The following EIF4ENIF1 variants were observed in gnomAD, a reference collection of about 807,000 sequenced individuals.
EIF4ENIF1 encodes eukaryotic translation initiation factor 4E nuclear import factor 1.
Under a neutral mutation model 110.5 loss-of-function variants are expected in EIF4ENIF1, and 23 were observed. The observed-to-expected ratio is 0.21, with a 90% CI of 0.15 to 0.29. The LOEUF is 0.29. EIF4ENIF1 is among the 10% of genes least tolerant of loss of function. EIF4ENIF1 has a pLI of 1.00. For missense variants in EIF4ENIF1, 1,031 were observed against 1,221.1 expected, an observed-to-expected ratio of 0.84 and a Z score of 2.32; for synonymous variants, 440 against 437.0, an observed-to-expected ratio of 1.01 and a Z score of -0.09.
At chr22:31,490,454 C>G (rs1351913238), upstream of EIF4ENIF1, among the ~76,000 whole-genome samples, 1 of 152,212 alleles carries the variant, frequency 6.6e-6, no homozygotes, top group African/African-American at 2.4e-5. Flanking sequence ...CTCTGTAAAT[C>G]TATGAGGCTT....
chr22:31,482,371 T>A (rs2051849714), intron 2 of EIF4ENIF1, among the ~76,000 whole-genome samples: 2 of 152,140 alleles, frequency 1.3e-5, no homozygotes, highest in African/African-American at 4.8e-5. Context: ...CAGCATAACG[T>A]ATGTATCCTT....
rs1421175021 is a variant in EIF4ENIF1 at position 31,449,393 on chromosome 22, C to A, written c.1723G>T (p.Ala575Ser). The part of the protein sequence containing the change: ...PPLSQVFQTR[A>S]ASADYLRPRI... Reference sequence around the variant, plus strand: ...GGGCGAAGGTAGTCAGCTGAGGCTGCTCGAGTTTGAAACACCTGTGACAAG... The same window carrying A: ...GGGCGAAGGTAGTCAGCTGAGGCTGATCGAGTTTGAAACACCTGTGACAAG... The change falls in exon 12 of 19, where the codon GCA (alanine) becomes TCA (serine). Residue 575 changes from alanine to serine, a missense_variant. This residue lies in a region of EIF4ENIF1 where 704 missense variants were observed against 879.7 expected (regional missense o/e 0.80). Transcript: ENST00000330125. The A allele has an allele frequency of 6.2e-7, 1 of 1,614,116 alleles. No homozygotes were observed. Among genetic ancestry groups the A allele is most frequent in the Admixed American group, 1.7e-5 (1 of 60,014 alleles).
upstream of EIF4ENIF1, chr22:31,489,865 C>T (rs1382887082): frequency 6.6e-6 from 1 of 152,318 alleles, no homozygotes; most frequent in Admixed American, 6.6e-5. Context: ...TCCGCCCCTC[C>T]TCTTCGGCCC....
chr22:31,458,171 T>C (rs2050884952), intron 7 of EIF4ENIF1, among the ~76,000 whole-genome samples: 1 of 150,306 alleles, frequency 6.7e-6, no homozygotes, highest in Non-Finnish European at 1.5e-5. Flanking sequence ...GAGGTTGCAA[T>C]GAGCCAAGAT....
chr22:31,439,038 A>G (rs2050216557), downstream of EIF4ENIF1, among the ~76,000 whole-genome samples: 1 of 152,186 alleles, frequency 6.6e-6, no homozygotes, highest in Non-Finnish European at 1.5e-5. Context: ...TTTTCAAGAA[A>G]AACTTAACTT....
intron 7 of EIF4ENIF1, among the ~76,000 whole-genome samples, chr22:31,457,603 G>C (rs1459518855): frequency 6.6e-6 from 1 of 152,180 alleles, no homozygotes; most frequent in Non-Finnish European, 1.5e-5. Context: ...AGTTTCCAAA[G>C]TTAAGCAGGG....
rs574219575 is a variant in EIF4ENIF1 at position 31,443,920 on chromosome 22, G to A, written c.2073+686C>T. Among the ~76,000 whole-genome samples the A allele has an allele frequency of 4.6e-4, 68 of 149,168 alleles. 1 individual carries two copies. The highest frequency in any genetic ancestry group is 3.9e-3 in the South Asian group (18 of 4,638). On this transcript the variant is annotated intron_variant, in intron 15 of 18. Transcript: ENST00000330125. The stretch of plus-strand genomic sequence containing the variant: ...AGTGATCCTCCCACCTCGGCCTCCC[G>A]AGTATAGCTGGGACCACAGATGTGC...
intron 14 of EIF4ENIF1, among the ~76,000 whole-genome samples, chr22:31,446,194 A>C (rs1399738009): frequency 6.7e-6 from 1 of 148,206 alleles, no homozygotes; most frequent in Non-Finnish European, 1.5e-5. Context: ...CTGAGGCATG[A>C]GAACTGCTTG....
At chr22:31,486,427 A>C (rs1016753554) in intron 2 of EIF4ENIF1, among the ~76,000 whole-genome samples, 5 of 151,300 alleles carry the variant, frequency 3.3e-5, no homozygotes, top group Admixed American at 2.6e-4. Context: ...TTGCACCACT[A>C]CACTCCAGCC....
chr22:31,467,546 C>T (rs1009454855), intron 4 of EIF4ENIF1, among the ~76,000 whole-genome samples: 2 of 151,970 alleles, frequency 1.3e-5, no homozygotes, highest in Non-Finnish European at 2.9e-5. Context: ...AGAACTAGGC[C>T]GGGCGCAGTG....
Position 31,485,986 on chromosome 22 carries a change from C to A in EIF4ENIF1, c.96+2637G>T, listed in dbSNP as rs1297928304. On this transcript the variant is annotated intron_variant, in intron 2 of 18. Coordinates refer to ENST00000330125, the MANE Select transcript of EIF4ENIF1 (RefSeq NM_019843.4). ...AATAGGCCAGGTGCAGTGGCTCACA[C>A]CTATAATTCCAGCATTTTGGGGGGC... Among the ~76,000 whole-genome samples, 6 of 151,988 alleles carry A rather than the reference C, an allele frequency of 3.9e-5. No individual in the cohort carries two copies. In the South Asian group the frequency reaches 1.2e-3, roughly 31 times the overall value.
chr22:31,440,914 TG>T (rs1171884346), intron 17 of EIF4ENIF1, 46 bp from the exon 18 acceptor site: 2 of 1,607,056 alleles, frequency 1.2e-6, no homozygotes, highest in African/African-American at 2.7e-5. Flanking sequence ...TAATGTTACC[TG>T]GAAGTTTTCC....
downstream of EIF4ENIF1, chr22:31,436,982 G>GTGTT (rs2050180285): frequency 1.3e-5 from 2 of 152,312 alleles, no homozygotes; most frequent in South Asian, 4.1e-4. Flanking sequence ...TTCTTGGTTT[G>GTGTT]TGTTTATGCT....
At position 31,450,714 on chromosome 22, in the gene EIF4ENIF1, T is replaced by C. The variant is rs556318030; in HGVS notation, c.1513-354A>G. Reference sequence around the variant, plus strand: ...TACCCATTACCTTTAACAAGATTTATTGGAGACACACACACACACACACAC... The same window carrying C: ...TACCCATTACCTTTAACAAGATTTACTGGAGACACACACACACACACACAC... On this transcript the variant is annotated intron_variant, in intron 10 of 18. Transcript: ENST00000330125. The C allele has an allele frequency of 1.5e-3, 362 of 237,272 alleles. 1 individual carries two copies. Among genetic ancestry groups the C allele is most frequent in the Non-Finnish European group, 2.5e-3 (325 of 132,044 alleles). 14.7% of individuals were successfully genotyped at this position (237,272 alleles called of 1,614,324 possible). A position where few individuals can be genotyped will look rare whatever the true frequency, so the allele number is the denominator to read the frequency against.
At position 31,440,028 on chromosome 22, in the gene EIF4ENIF1, A is replaced by G; in HGVS notation, c.2810T>C (p.Met937Thr). The change falls in exon 19 of 19, where the codon ATG becomes ACG. Residue 937 changes from methionine (M) to threonine (T), a missense_variant. Transcript: ENST00000330125. ...NVPSRSGLPH[M>T]HSQLEHRPSQ... ...GGGGCGATGCTCCAGCTGGGAGTGCATGTGGGGCAGGCCTGACCGGCTGGG... is the reference window on the plus strand; with the variant it reads ...GGGGCGATGCTCCAGCTGGGAGTGCGTGTGGGGCAGGCCTGACCGGCTGGG... 6.2e-7 allele frequency: 1 copy of G among 1,613,936 alleles called. No homozygotes were observed. Among genetic ancestry groups the G allele is most frequent in the Non-Finnish European group, 8.5e-7 (1 of 1,179,912 alleles).
At position 31,474,733 on chromosome 22, in the gene EIF4ENIF1, C is replaced by G. The variant is rs139084685; in HGVS notation, c.97-2816G>C. Among the ~76,000 whole-genome samples the G allele has an allele frequency of 4.4e-3, 668 of 152,190 alleles. 1 individual carries two copies. Among genetic ancestry groups the G allele is most frequent in the African/African-American group, 0.016 (647 of 41,508 alleles). On this transcript the variant is annotated intron_variant, in intron 2 of 18. Coordinates refer to ENST00000330125, the MANE Select transcript of EIF4ENIF1 (RefSeq NM_019843.4). Reference sequence around the variant, plus strand: ...CACACATGCACACTAACACACATATCTACCCATATATACAACAAACTACTG... The same window carrying G: ...CACACATGCACACTAACACACATATGTACCCATATATACAACAAACTACTG...
chr22:31,442,101 T>C lies in EIF4ENIF1; in HGVS notation c.2224A>G (p.Ser742Gly). The change falls in exon 17 of 19, where the codon AGC (serine) becomes GGC (glycine). Residue 742 changes from serine (S) to glycine (G), a missense_variant. Ser to Gly is a moderately conservative substitution (Grantham distance 56, BLOSUM62 0). Coordinates refer to ENST00000330125, the MANE Select transcript of EIF4ENIF1 (RefSeq NM_019843.4). ...TCTCGATCGGCACTGGGTACAGAGC[T>C]GGATGACAGGAGGTTTTCTGTGAGG... ...KASEENLLSS[S>G]SVPSADRDSS... 6.2e-7 allele frequency: 1 copy of C among 1,605,892 alleles called. No homozygotes were observed. Among genetic ancestry groups the C allele is most frequent in the African/African-American group, 1.3e-5 (1 of 74,694 alleles).
chr22:31,466,443 G>A (rs939279627), intron 4 of EIF4ENIF1, among the ~76,000 whole-genome samples: 9 of 151,688 alleles, frequency 5.9e-5, no homozygotes, highest in African/African-American at 2.2e-4. Flanking sequence ...AGCTGGGCAC[G>A]GTGGAACGTG....
rs1225405260 is a variant in EIF4ENIF1, at chr22:31,489,786, C to G, written c.-120G>C. The G allele has an allele frequency of 6.6e-6, 1 of 152,022 alleles. No individual in the cohort carries two copies. Among genetic ancestry groups the G allele is most frequent in the African/African-American group, 2.4e-5 (1 of 41,292 alleles). 9.4% of individuals were successfully genotyped at this position (152,022 alleles called of 1,614,324 possible). ...TCCCAGCGCCGCTCCCCGCAGCCTTCGCTCTCGCGCCCCCACCCCGACCGG... is the reference window on the plus strand; with the variant it reads ...TCCCAGCGCCGCTCCCCGCAGCCTTGGCTCTCGCGCCCCCACCCCGACCGG... On this transcript the variant is annotated 5_prime_UTR_variant, in exon 1 of 19. Transcript: ENST00000330125.
Sources: allele counts gnomAD v4.1 joint callset (sites outside exome capture counted in the v4.1 genomes callset), GRCh38; gene constraint gnomAD v4.1.1; regional missense constraint gnomAD v4.1.1; transcripts MANE v1.5; gene names NCBI Gene and HGNC (gene_info 2026-07-23, HGNC 2026-07-21).